The following TBCA variants were observed in gnomAD, a reference collection of about 807,000 sequenced individuals.
TBCA encodes the protein tubulin folding cofactor A, also known as tubulin-specific chaperone A.
Under a neutral mutation model 15.8 loss-of-function variants are expected in TBCA, and 6 were observed. That is an observed-to-expected ratio of 0.38 (90% confidence interval 0.21 to 0.75). The LOEUF (loss-of-function observed/expected upper bound fraction) is 0.75, where lower values mean the gene tolerates loss of function less well. TBCA is among the 30% of genes least tolerant of loss of function. The pLI is 0.46. For synonymous variants in TBCA, 32 were observed against 42.3 expected, an observed-to-expected ratio of 0.76 and a Z score of 0.94; for missense variants, 90 against 131.2, an observed-to-expected ratio of 0.69 and a Z score of 1.53.
At chr5:77,717,526 G>A (rs1234004998) in intron 1 of TBCA, among the ~76,000 whole-genome samples, 2 of 152,182 alleles carry the variant, frequency 1.3e-5, no homozygotes, top group East Asian at 1.9e-4. Context: ...ACTTAAAACA[G>A]TGTAAACTTG....
Position 77,701,706 on chromosome 5 carries a change from T to C in TBCA, c.159+6536A>G, listed in dbSNP as rs958209565. On this transcript the variant is annotated intron_variant, in intron 2 of 3. Transcript: ENST00000380377. Reference sequence around the variant, plus strand: ...GCATATATATATATATATATATATATATATATATATATATATATATGATGG... The same window carrying C: ...GCATATATATATATATATATATATACATATATATATATATATATATGATGG... 1.0e-3 allele frequency among the ~76,000 whole-genome samples: 140 copies of C among 135,796 alleles called. 1 individual carries two copies. The highest frequency in any genetic ancestry group is 6.8e-3 in the South Asian group (29 of 4,250). The allele number at this position is 135,796 out of a possible 152,430, so 89.1% of individuals were successfully genotyped here.
chr5:77,774,961 A>G (rs1273587699), intron 1 of TBCA, among the ~76,000 whole-genome samples: 4 of 141,482 alleles, frequency 2.8e-5, no homozygotes, highest in Non-Finnish European at 6.1e-5. Context: ...TTATTCCTGA[A>G]TAAGATAGCT....
chr5:77,729,731 G>A (rs1216938226), intron 1 of TBCA, among the ~76,000 whole-genome samples: 3 of 152,108 alleles, frequency 2.0e-5, no homozygotes, highest in African/African-American at 4.8e-5. Flanking sequence ...GCACTTAGAT[G>A]GGCAAAGCAA....
chr5:77,767,918 G>A (rs1393968961), intron 1 of TBCA, among the ~76,000 whole-genome samples: 1 of 152,160 alleles, frequency 6.6e-6, no homozygotes, highest in Non-Finnish European at 1.5e-5. Context: ...TAAGAGATGG[G>A]GCCTTTAGGT....
chr5:77,729,535 G>T (rs1020274892), intron 1 of TBCA, among the ~76,000 whole-genome samples: 4 of 152,138 alleles, frequency 2.6e-5, no homozygotes, highest in Admixed American at 2.6e-4. Context: ...TTTCAAGAAG[G>T]TGTCTCAGAG....
intron 1 of TBCA, among the ~76,000 whole-genome samples, chr5:77,755,414 T>C (rs1206468102): frequency 1.3e-5 from 2 of 151,284 alleles, no homozygotes; most frequent in African/African-American, 2.4e-5. Flanking sequence ...CTGTCTCTAA[T>C]AAAAATATAA....
intron 1 of TBCA, among the ~76,000 whole-genome samples, chr5:77,766,553 A>C (rs1747783357): frequency 4.7e-5 from 1 of 21,474 alleles, no homozygotes; most frequent in South Asian, 1.2e-3. Flanking sequence ...TCTGTCGCCC[A>C]GGCGGGAGTG....
intron 2 of TBCA, among the ~76,000 whole-genome samples, chr5:77,705,945 C>G (rs1746140598): frequency 6.6e-6 from 1 of 152,150 alleles, no homozygotes; most frequent in African/African-American, 2.4e-5. Context: ...TTTATACACA[C>G]AGTGCTGTAT....
At chr5:77,716,552 T>C (rs977233988) in intron 1 of TBCA, among the ~76,000 whole-genome samples, 1 of 152,136 alleles carries the variant, frequency 6.6e-6, no homozygotes, top group Non-Finnish European at 1.5e-5. Flanking sequence ...ATGCCATATA[T>C]ATCATTTAAG....
chr5:77,754,003 A>T (rs1292612723), intron 1 of TBCA, among the ~76,000 whole-genome samples: 1 of 152,042 alleles, frequency 6.6e-6, no homozygotes, highest in Non-Finnish European at 1.5e-5. Context: ...TGATCTACCT[A>T]CCTTGACCTC....
At chr5:77,731,034 G>GT (rs1453262470) in intron 1 of TBCA, among the ~76,000 whole-genome samples, 4 of 152,062 alleles carry the variant, frequency 2.6e-5, no homozygotes, top group Non-Finnish European at 4.4e-5. Flanking sequence ...ATACATGTAT[G>GT]CCCTTGCCTG....
chr5:77,733,312 C>G (rs775123791), intron 1 of TBCA, among the ~76,000 whole-genome samples: 7 of 152,162 alleles, frequency 4.6e-5, no homozygotes, highest in Admixed American at 4.6e-4. Context: ...AATGATTAAG[C>G]TCAGTGGGAA....
chr5:77,757,020 G>A (rs1474292428), intron 1 of TBCA, among the ~76,000 whole-genome samples: 3 of 152,060 alleles, frequency 2.0e-5, no homozygotes, highest in Admixed American at 2.0e-4. Context: ...TTTAAGACAG[G>A]AAACAAATAC....
At chr5:77,708,577 CT>C (rs557663101) in intron 1 of TBCA, 13 of 267,526 alleles carry the variant, frequency 4.9e-5, no homozygotes, top group Admixed American at 9.6e-5. Flanking sequence ...GCATGAAATT[CT>C]TTTTTTTCTT....
chr5:77,731,240 ATAT>A (rs1746759893), intron 1 of TBCA, among the ~76,000 whole-genome samples: 1 of 152,152 alleles, frequency 6.6e-6, no homozygotes. Flanking sequence ...GTGACTAATA[ATAT>A]TACCATGTGC....
chr5:77,695,997 T>C (rs1029547344), intron 2 of TBCA, among the ~76,000 whole-genome samples: 2 of 152,204 alleles, frequency 1.3e-5, no homozygotes, highest in African/African-American at 2.4e-5. Context: ...ATCTAATCAA[T>C]TTCCTTTAGA....
intron 1 of TBCA, among the ~76,000 whole-genome samples, chr5:77,729,063 C>T (rs1746697726): frequency 6.6e-6 from 1 of 152,048 alleles, no homozygotes; most frequent in Non-Finnish European, 1.5e-5. Context: ...ACTGTAATCC[C>T]AGCACTTTGG....
chr5:77,749,732 T>C (rs1466334718), intron 1 of TBCA, among the ~76,000 whole-genome samples: 3 of 152,190 alleles, frequency 2.0e-5, no homozygotes, highest in East Asian at 1.9e-4. Flanking sequence ...TACAGATAAA[T>C]CTGCCAATTT....
chr5:77,716,022 C>T (rs945114888), intron 1 of TBCA, among the ~76,000 whole-genome samples: 10 of 152,080 alleles, frequency 6.6e-5, no homozygotes, highest in Non-Finnish European at 1.0e-4. Context: ...AAATTGAGGG[C>T]CTTATATGAA....
Sources: allele counts gnomAD v4.1 joint callset (sites outside exome capture counted in the v4.1 genomes callset), GRCh38; gene constraint gnomAD v4.1.1; transcripts MANE v1.5; gene names NCBI Gene and HGNC (gene_info 2026-07-23, HGNC 2026-07-21).